The following PDZRN4 variants were observed in gnomAD, a reference collection of about 807,000 sequenced individuals.
PDZRN4 encodes PDZ domain-containing RING finger protein 4.
Under a neutral mutation model 99.0 loss-of-function variants are expected in PDZRN4, and 70 were observed. The ratio of observed to expected loss-of-function variants is 0.71; its 90% confidence interval spans 0.58 to 0.86. The LOEUF (loss-of-function observed/expected upper bound fraction) is 0.86, where lower values mean the gene tolerates loss of function less well. Among genes scored for constraint, PDZRN4 ranks in the 40% least tolerant of loss-of-function variants. PDZRN4 has a pLI of 0.00. For synonymous variants in PDZRN4, 551 were observed against 501.6 expected, an observed-to-expected ratio of 1.10 and a Z score of -1.32; for missense variants, 1,474 against 1,331.2, an observed-to-expected ratio of 1.11 and a Z score of -1.67.
chr12:41,284,099 T>C (rs1951406465), intron 3 of PDZRN4, among the ~76,000 whole-genome samples: 2 of 152,300 alleles, frequency 1.3e-5, no homozygotes, highest in South Asian at 2.1e-4. Context: ...TGATTGTATA[T>C]TTAGGAAACC....
chr12:41,412,130 C>T (rs999830628), intron 3 of PDZRN4: 1 of 152,126 alleles, frequency 6.6e-6, no homozygotes, highest in Admixed American at 6.6e-5. Flanking sequence ...TAGATTTTTC[C>T]CACCTATCTG....
At chr12:41,557,853 C>T (rs770896794) in intron 7 of PDZRN4, among the ~76,000 whole-genome samples, 9 of 152,142 alleles carry the variant, frequency 5.9e-5, no homozygotes, top group Admixed American at 2.0e-4. Context: ...AATGGAACTA[C>T]GTCTATCATA....
intron 3 of PDZRN4, among the ~76,000 whole-genome samples, chr12:41,323,015 C>T (rs1248727365): frequency 2.6e-5 from 4 of 152,070 alleles, no homozygotes; most frequent in Non-Finnish European, 5.9e-5. Context: ...AAGGCCAATC[C>T]AGTAAAGAAA....
At chr12:41,474,863 T>A (rs1031409430) in intron 3 of PDZRN4, among the ~76,000 whole-genome samples, 1 of 152,164 alleles carries the variant, frequency 6.6e-6, no homozygotes, top group East Asian at 1.9e-4. Context: ...TATTTGACTC[T>A]GAGGATGCAC....
chr12:41,378,792 G>A (rs1424077234), intron 3 of PDZRN4, among the ~76,000 whole-genome samples: 1 of 151,994 alleles, frequency 6.6e-6, no homozygotes, highest in Admixed American at 6.6e-5. Context: ...GAAAGTGCTG[G>A]GATTACAGGC....
intron 5 of PDZRN4, among the ~76,000 whole-genome samples, chr12:41,544,000 C>A (rs1324479966): frequency 3.9e-5 from 6 of 152,234 alleles, no homozygotes; most frequent in East Asian, 1.9e-4. Flanking sequence ...TCCAAAAAAA[C>A]CATGAATAAA....
intron 3 of PDZRN4, among the ~76,000 whole-genome samples, chr12:41,283,097 T>A (rs59420321): frequency 0.011 from 1,721 of 150,768 alleles, 41 homozygotes; most frequent in African/African-American, 0.039. Context: ...CTGTTTTTTT[T>A]AAAAGATTAA....
At chr12:41,428,014 G>A (rs1952552104) in intron 3 of PDZRN4, among the ~76,000 whole-genome samples, 1 of 152,080 alleles carries the variant, frequency 6.6e-6, no homozygotes, top group Non-Finnish European at 1.5e-5. Flanking sequence ...GTTGAACCCG[G>A]GAGGCAGAGG....
chr12:41,249,751 CTT>C (rs1445156660), intron 3 of PDZRN4, among the ~76,000 whole-genome samples: 1 of 152,176 alleles, frequency 6.6e-6, no homozygotes, highest in Non-Finnish European at 1.5e-5. Context: ...AGACTTTACA[CTT>C]TGACATTTTC....
chr12:41,219,072 A>T lies in PDZRN4; in HGVS notation c.843+24884A>T, dbSNP rs59810995. ...AATAACGTAGAGACTTAAGAGTAAA[A>T]ATAAATGGTGTCTGATTTAACATAC... is the stretch of plus-strand genomic sequence containing the variant. On this transcript the variant is annotated intron_variant, in intron 3 of 9. Coordinates refer to ENST00000402685, the MANE Select transcript of PDZRN4 (RefSeq NM_001164595.2). 1.5e-4 allele frequency among the ~76,000 whole-genome samples: 22 copies of T among 151,642 alleles called. No individual in the cohort carries two copies. The East Asian group carries it at 4.3e-3, about 29-fold the overall frequency.
At chr12:41,498,676 G>A (rs566214896) in intron 3 of PDZRN4, among the ~76,000 whole-genome samples, 6 of 152,186 alleles carry the variant, frequency 3.9e-5, no homozygotes, top group East Asian at 3.9e-4. Flanking sequence ...AGTTTCTAAC[G>A]TGTGAACTTT....
At chr12:41,346,593 T>C (rs1951856882) in intron 3 of PDZRN4, among the ~76,000 whole-genome samples, 1 of 152,176 alleles carries the variant, frequency 6.6e-6, no homozygotes, top group Non-Finnish European at 1.5e-5. Flanking sequence ...TAAATTTTAA[T>C]TTTTAATATA....
At chr12:41,210,549 G>T (rs937625594) in intron 3 of PDZRN4, among the ~76,000 whole-genome samples, 1 of 151,942 alleles carries the variant, frequency 6.6e-6, no homozygotes, top group African/African-American at 2.4e-5. Flanking sequence ...CTCTTCATTT[G>T]TAGCAATTGA....
At chr12:41,421,059 G>A (rs968658848) in intron 3 of PDZRN4, among the ~76,000 whole-genome samples, 2 of 152,026 alleles carry the variant, frequency 1.3e-5, no homozygotes, top group Non-Finnish European at 2.9e-5. Context: ...CCAATCATTT[G>A]GCAAAACCTC....
At chr12:41,290,540 T>C (rs1227317977) in intron 3 of PDZRN4, among the ~76,000 whole-genome samples, 4 of 152,114 alleles carry the variant, frequency 2.6e-5, no homozygotes, top group Admixed American at 1.3e-4. Context: ...TCTTCATACA[T>C]AGGTGTTCTA....
intron 3 of PDZRN4, among the ~76,000 whole-genome samples, chr12:41,353,868 A>T (rs530971344): frequency 6.6e-6 from 1 of 152,196 alleles, no homozygotes; most frequent in East Asian, 1.9e-4. Context: ...GTTTAGGATG[A>T]GATTATGAGG....
chr12:41,270,276 C>G (rs200035278), intron 3 of PDZRN4, among the ~76,000 whole-genome samples: 1,527 of 108,122 alleles, frequency 0.014, 12 homozygotes, highest in Non-Finnish European at 0.019. Context: ...GTGTGTGTGT[C>G]TGTGTGTGTG....
In PDZRN4 at chr12:41,574,586, A is replaced by C. The variant is rs1204201248; in HGVS notation, c.*696A>C. On this transcript the variant is annotated 3_prime_UTR_variant, in exon 10 of 10. Coordinates refer to ENST00000402685, the MANE Select transcript of PDZRN4 (RefSeq NM_001164595.2). ...TAAATTATTGATTATCCTTCAGAAA[A>C]ATTATCAAGGAGTGTTTTATTTTCC... The C allele has an allele frequency of 6.6e-6, 1 of 152,662 alleles. No homozygotes were observed. Among genetic ancestry groups the C allele is most frequent in the Non-Finnish European group, 1.5e-5 (1 of 68,050 alleles). 9.5% of individuals were successfully genotyped at this position (152,662 alleles called of 1,614,324 possible). A position where few individuals can be genotyped will look rare whatever the true frequency, so the allele number is the denominator to read the frequency against.
intron 5 of PDZRN4, among the ~76,000 whole-genome samples, chr12:41,523,148 A>G (rs1396870624): frequency 6.6e-6 from 1 of 152,068 alleles, no homozygotes; most frequent in Non-Finnish European, 1.5e-5. Context: ...AATAATACAT[A>G]TTTGTTAATA....
Sources: allele counts gnomAD v4.1 joint callset (sites outside exome capture counted in the v4.1 genomes callset), GRCh38; gene constraint gnomAD v4.1.1; transcripts MANE v1.5; gene names NCBI Gene and HGNC (gene_info 2026-07-23, HGNC 2026-07-21).